RBPMS: variants seen among roughly 807,000 people sequenced by gnomAD.
RBPMS encodes RNA binding protein, mRNA processing factor, also known as RNA-binding protein with multiple splicing.
A neutral mutation model predicts 26.8 loss-of-function variants in RBPMS; 7 were observed. The observed-to-expected ratio is 0.26, with a 90% CI of 0.15 to 0.49. The LOEUF (loss-of-function observed/expected upper bound fraction) is 0.49, where lower values mean the gene tolerates loss of function less well. Ranked by LOEUF, RBPMS falls within the 20% of genes least tolerant of loss-of-function variation. The pLI, the probability that RBPMS is intolerant of heterozygous loss-of-function variation, is 0.98. For missense variants in RBPMS, 186 were observed against 250.0 expected, an observed-to-expected ratio of 0.74 and a Z score of 1.73; for synonymous variants, 96 against 93.3, an observed-to-expected ratio of 1.03 and a Z score of -0.17.
intron 1 of RBPMS, among the ~76,000 whole-genome samples, chr8:30,439,969 G>A (rs1254948419): frequency 6.6e-6 from 1 of 152,162 alleles, no homozygotes; most frequent in Non-Finnish European, 1.5e-5. Flanking sequence ...TTGAGGCCAG[G>A]AGTTCAAGAC....
chr8:30,501,095 T>C (rs912708196), intron 4 of RBPMS, among the ~76,000 whole-genome samples: 2 of 152,188 alleles, frequency 1.3e-5, no homozygotes, highest in African/African-American at 4.8e-5. Context: ...TCCAAGTTGA[T>C]GCTGCTAACA....
chr8:30,551,042 T>C (rs921577499), intron 6 of RBPMS, among the ~76,000 whole-genome samples: 2 of 152,202 alleles, frequency 1.3e-5, no homozygotes, highest in Admixed American at 6.5e-5. Context: ...CTCAGCCTCA[T>C]TTCCAGGCAA....
chr8:30,539,679 G>A (rs1825173882), intron 5 of RBPMS, among the ~76,000 whole-genome samples: 1 of 150,102 alleles, frequency 6.7e-6, no homozygotes, highest in African/African-American at 2.5e-5. Flanking sequence ...AGGCTGGAGT[G>A]CAGTGGTGTG....
rs546985366 is a variant in RBPMS, at chr8:30,411,529, G to T, written c.66+26371G>T. 1.6e-3 allele frequency among the ~76,000 whole-genome samples: 237 copies of T among 152,108 alleles called. 2 individuals are homozygous for T. Among genetic ancestry groups the T allele is most frequent in the Non-Finnish European group, 3.0e-3 (206 of 68,000 alleles). Reference sequence around the variant, plus strand: ...AAAATTTAAAAATTAGCTGGGCATCGTGGCATGTGCCTATAGTCTCAGCTA... The same window carrying T: ...AAAATTTAAAAATTAGCTGGGCATCTTGGCATGTGCCTATAGTCTCAGCTA... On this transcript the variant is annotated intron_variant, in intron 1 of 8. Coordinates refer to ENST00000397323, the MANE Select transcript of RBPMS (RefSeq NM_001008710.3).
At chr8:30,557,123 C>G (rs1827000219) in intron 6 of RBPMS, among the ~76,000 whole-genome samples, 1 of 152,206 alleles carries the variant, frequency 6.6e-6, no homozygotes, top group Non-Finnish European at 1.5e-5. Flanking sequence ...AGCTGGTCAT[C>G]TGATCGCTGG....
At chr8:30,448,512 G>C (rs942796563) in intron 1 of RBPMS, among the ~76,000 whole-genome samples, 1 of 152,162 alleles carries the variant, frequency 6.6e-6, no homozygotes, top group African/African-American at 2.4e-5. Flanking sequence ...TCAAGTCAAG[G>C]CATGTTTTCT....
rs16877119 is a variant in RBPMS at position 30,520,932 on chromosome 8, G to A, written c.397+16496G>A. Among the ~76,000 whole-genome samples the A allele has an allele frequency of 8.1e-3, 1,231 of 152,128 alleles. 15 individuals are homozygous for A. The highest frequency in any genetic ancestry group is 0.027 in the African/African-American group (1,140 of 41,490). On this transcript the variant is annotated intron_variant, in intron 5 of 8. Transcript: ENST00000397323. ...ATTTTCTTCCCAATTGTAAGGCTTT[G>A]TCAGCAGAACATGAAATTAAGCTAA...
chr8:30,537,462 G>C (rs745925624), intron 5 of RBPMS: 4 of 428,006 alleles, frequency 9.3e-6, no homozygotes, highest in Admixed American at 2.4e-5. Context: ...TGGGGAGACG[G>C]TGGAAGTTAA....
chr8:30,519,066 A>T (rs909491722), intron 5 of RBPMS, among the ~76,000 whole-genome samples: 6 of 152,126 alleles, frequency 3.9e-5, no homozygotes, highest in African/African-American at 1.4e-4. Context: ...TTAAATCACA[A>T]ACATCTTAGG....
At chr8:30,522,927 T>C (rs1297712057) in intron 5 of RBPMS, among the ~76,000 whole-genome samples, 1 of 152,238 alleles carries the variant, frequency 6.6e-6, no homozygotes, top group Non-Finnish European at 1.5e-5. Flanking sequence ...TAGGTCTATA[T>C]AAGAAGAATA....
At chr8:30,432,464 G>A (rs1226562955) in intron 1 of RBPMS, among the ~76,000 whole-genome samples, 2 of 152,176 alleles carry the variant, frequency 1.3e-5, no homozygotes, top group African/African-American at 2.4e-5. Context: ...TGTCCCTTGA[G>A]GATGTTGGTG....
intron 4 of RBPMS, among the ~76,000 whole-genome samples, chr8:30,502,363 A>G (rs1820652094): frequency 6.6e-6 from 1 of 152,182 alleles, no homozygotes; most frequent in Admixed American, 6.5e-5. Flanking sequence ...GAAAGAGCTG[A>G]GGCATAGAAT....
intron 1 of RBPMS, among the ~76,000 whole-genome samples, chr8:30,466,863 G>A (rs531732704): frequency 3.7e-4 from 56 of 152,254 alleles, no homozygotes; most frequent in African/African-American, 1.2e-3. Context: ...CCAAAGTGCT[G>A]GGATTACAGG....
chr8:30,412,770 A>G (rs1368374149), intron 1 of RBPMS, among the ~76,000 whole-genome samples: 2 of 152,202 alleles, frequency 1.3e-5, no homozygotes, highest in Non-Finnish European at 2.9e-5. Flanking sequence ...AAATCCACAC[A>G]TATTCAATAG....
intron 1 of RBPMS, among the ~76,000 whole-genome samples, chr8:30,465,889 T>C (rs566441085): frequency 1.7e-4 from 26 of 152,184 alleles, no homozygotes; most frequent in Non-Finnish European, 3.7e-4. Context: ...AGATTGAACA[T>C]AGTGGTGTGG....
At position 30,471,358 on chromosome 8, in the gene RBPMS, C is replaced by T. The variant is rs563709807; in HGVS notation, c.67-3421C>T. Among the ~76,000 whole-genome samples, 33 of 152,124 alleles carry T rather than the reference C, an allele frequency of 2.2e-4. No homozygotes were observed. In the South Asian group the frequency reaches 3.9e-3, roughly 18 times the overall value. On this transcript the variant is annotated intron_variant, in intron 1 of 8. Transcript: ENST00000397323. ...TTCATAATCCCCAGATTTCAAGTAACCTCTGTTGGTAAATTGACATTTATG... is the reference window on the plus strand; with the variant it reads ...TTCATAATCCCCAGATTTCAAGTAATCTCTGTTGGTAAATTGACATTTATG...
intron 1 of RBPMS, among the ~76,000 whole-genome samples, chr8:30,443,690 G>A (rs546640596): frequency 6.6e-6 from 1 of 152,066 alleles, no homozygotes; most frequent in African/African-American, 2.4e-5. Flanking sequence ...TGCCTCCCAG[G>A]TTCAAGTGAT....
chr8:30,467,094 A>G (rs1816589266), intron 1 of RBPMS, among the ~76,000 whole-genome samples: 1 of 152,214 alleles, frequency 6.6e-6, no homozygotes, highest in Admixed American at 6.5e-5. Flanking sequence ...GAGCTTGACC[A>G]AAGCCAGTTC....
chr8:30,509,937 A>G (rs1169784750), intron 5 of RBPMS, among the ~76,000 whole-genome samples: 1 of 152,224 alleles, frequency 6.6e-6, no homozygotes, highest in Non-Finnish European at 1.5e-5. Flanking sequence ...ACCATTAACA[A>G]TTTGGTGCTT....
Sources: gnomAD v4.1 joint callset for allele counts (sites outside exome capture counted in the v4.1 genomes callset) on GRCh38, gnomAD v4.1.1 for gene constraint, MANE v1.5 for transcripts, NCBI Gene and HGNC (gene_info 2026-07-23, HGNC 2026-07-21) for gene names.